THSD4: variants seen among roughly 807,000 people sequenced by gnomAD.
THSD4 encodes thrombospondin type-1 domain-containing protein 4.
THSD4 carries 69 observed loss-of-function variants against 119.0 expected under a neutral mutation model. The ratio of observed to expected loss-of-function variants is 0.58; its 90% CI spans 0.48 to 0.71. The LOEUF (loss-of-function observed/expected upper bound fraction) is 0.71, where lower values mean the gene tolerates loss of function less well. Among genes scored for constraint, THSD4 ranks in the 30% least tolerant of loss-of-function variants. The pLI, the probability that THSD4 is intolerant of heterozygous loss-of-function variation, is 0.00. For synonymous variants in THSD4, 524 were observed against 540.4 expected (o/e 0.97, Z 0.42); for missense variants, 1,393 against 1,391.1 (o/e 1.00, Z -0.02).
In THSD4 at chr15:71,180,469, T is replaced by C. The variant is rs115878796; in HGVS notation, c.99+25537T>C. 4.6e-3 allele frequency among the ~76,000 whole-genome samples: 698 copies of C among 152,318 alleles called. 6 individuals carry two copies. The highest frequency in any genetic ancestry group is 0.016 in the African/African-American group (673 of 41,572). Reference sequence around the variant, plus strand: ...AACGGCTACAAAAACTTTTGGGTGATGGATATGTGCATTATCTGATTGTGG... The same window carrying C: ...AACGGCTACAAAAACTTTTGGGTGACGGATATGTGCATTATCTGATTGTGG... On this transcript the variant is annotated intron_variant, in intron 3 of 17. Transcript: ENST00000261862.
At chr15:71,687,637 C>G (rs1054299091) in intron 8 of THSD4, among the ~76,000 whole-genome samples, 12 of 151,940 alleles carry the variant, frequency 7.9e-5, no homozygotes, top group African/African-American at 2.9e-4. Context: ...CACCTGTAAT[C>G]CCAGTTACTC....
chr15:71,300,586 G>A (rs540721773), intron 6 of THSD4, among the ~76,000 whole-genome samples: 3 of 152,168 alleles, frequency 2.0e-5, no homozygotes, highest in Non-Finnish European at 2.9e-5. Context: ...TTCTAGGCAG[G>A]GTTCAGCTTT....
Position 71,669,499 on chromosome 15 carries a change from C to CT in THSD4, c.1357+8774dup, listed in dbSNP as rs201706989. 1.8e-3 allele frequency among the ~76,000 whole-genome samples: 277 copies of CT among 151,032 alleles called. 3 individuals are homozygous for CT. Among genetic ancestry groups the CT allele is most frequent in the African/African-American group, 5.5e-3 (226 of 41,226 alleles). ...TTACACAGGTATACACAATTCTGTCCTTTTTTTTTGTGGCTGTTGGTTTTC... is the reference window on the plus strand; with the variant it reads ...TTACACAGGTATACACAATTCTGTCCTTTTTTTTTTGTGGCTGTTGGTTTTC... On this transcript the variant is annotated intron_variant, in intron 8 of 17. Transcript: ENST00000261862.
chr15:71,575,027 A>G (rs1402563537), intron 7 of THSD4, among the ~76,000 whole-genome samples: 1 of 152,174 alleles, frequency 6.6e-6, no homozygotes, highest in Non-Finnish European at 1.5e-5. Context: ...AGGAAGTTAT[A>G]GGAAACCGAA....
intron 7 of THSD4, among the ~76,000 whole-genome samples, chr15:71,627,155 A>G (rs929940098): frequency 1.3e-5 from 2 of 152,170 alleles, no homozygotes; most frequent in African/African-American, 2.4e-5. Context: ...GAGCTATCCC[A>G]TTGCTGGGCA....
intron 5 of THSD4, among the ~76,000 whole-genome samples, chr15:71,255,563 T>C (rs771663311): frequency 5.3e-5 from 8 of 152,172 alleles, no homozygotes; most frequent in Non-Finnish European, 8.8e-5. Context: ...AGTTTGCATT[T>C]CCAGAAAGAT....
At chr15:71,473,389 C>T (rs2047611419) in intron 7 of THSD4, among the ~76,000 whole-genome samples, 2 of 152,094 alleles carry the variant, frequency 1.3e-5, no homozygotes, top group South Asian at 4.2e-4. Flanking sequence ...GTTTTTAGGT[C>T]ATTCAATATT....
At chr15:71,150,347 G>A (rs1175723451) in intron 2 of THSD4, among the ~76,000 whole-genome samples, 2 of 152,228 alleles carry the variant, frequency 1.3e-5, no homozygotes, top group Non-Finnish European at 2.9e-5. Context: ...CTAAGTATGC[G>A]CAAGCAGGGT....
At chr15:71,645,050 C>A (rs572518878) in intron 7 of THSD4, among the ~76,000 whole-genome samples, 1 of 152,114 alleles carries the variant, frequency 6.6e-6, no homozygotes, top group South Asian at 2.1e-4. Flanking sequence ...AAACACAAGT[C>A]GAACAGTGAT....
chr15:71,636,284 A>G (rs1328192285), intron 7 of THSD4, among the ~76,000 whole-genome samples: 1 of 152,094 alleles, frequency 6.6e-6, no homozygotes, highest in Non-Finnish European at 1.5e-5. Flanking sequence ...TTAGCTGGGC[A>G]TGGTGGCAGG....
intron 2 of THSD4, among the ~76,000 whole-genome samples, chr15:71,144,749 A>G (rs1156309289): frequency 1.3e-5 from 2 of 152,170 alleles, no homozygotes; most frequent in Non-Finnish European, 2.9e-5. Flanking sequence ...GTGTAGTAAT[A>G]AAAAGAATCA....
intron 7 of THSD4, among the ~76,000 whole-genome samples, chr15:71,445,539 A>C (rs182302459): frequency 2.6e-5 from 4 of 152,308 alleles, no homozygotes; most frequent in Admixed American, 2.6e-4. Context: ...ATATCCCCTC[A>C]TCTCACAACC....
At position 71,411,725 on chromosome 15, in the gene THSD4, A is replaced by G. The variant is rs2046689661; in HGVS notation, c.1054A>G (p.Met352Val). 3.1e-6 allele frequency: 5 copies of G among 1,614,090 alleles called. No individual in the cohort carries two copies. The highest frequency in any genetic ancestry group is 2.7e-5 in the African/African-American group (2 of 75,026). Residue 352 changes from methionine (M) to valine (V), a missense_variant, in exon 7 of 18, where the codon ATG becomes GTG. Transcript: ENST00000261862. ...CAAATGTGAGTTGAACTGCCAGGCA[A>G]TGGGCTACCGCTTCTATGTACGGCA... Reference protein sequence around the residue: ...NRKCELNCQAMGYRFYVRQAE... With the variant: ...NRKCELNCQAVGYRFYVRQAE...
intron 6 of THSD4, among the ~76,000 whole-genome samples, chr15:71,355,088 G>A (rs906250346): frequency 6.6e-6 from 1 of 152,194 alleles, no homozygotes; most frequent in African/African-American, 2.4e-5. Context: ...AATGCTGACC[G>A]TGAGTCAAGC....
At chr15:71,694,888 C>T (rs2052130653) in intron 8 of THSD4, among the ~76,000 whole-genome samples, 1 of 152,070 alleles carries the variant, frequency 6.6e-6, no homozygotes, top group Admixed American at 6.6e-5. Flanking sequence ...TCGTGTGCAC[C>T]TGGCCACCAG....
At chr15:71,577,845 C>T (rs28639526) in intron 7 of THSD4, among the ~76,000 whole-genome samples, 3 of 151,564 alleles carry the variant, frequency 2.0e-5, no homozygotes, top group African/African-American at 2.4e-5. Flanking sequence ...CTCAGCCTCC[C>T]GAGTAGCTGG....
At chr15:71,591,186 A>G (rs1046953596) in intron 7 of THSD4, among the ~76,000 whole-genome samples, 3 of 152,124 alleles carry the variant, frequency 2.0e-5, no homozygotes, top group African/African-American at 7.2e-5. Flanking sequence ...TAGGCAAGGC[A>G]ATTGTTTATT....
intron 6 of THSD4, among the ~76,000 whole-genome samples, chr15:71,340,609 T>G (rs570882362): frequency 7.1e-4 from 108 of 151,054 alleles, no homozygotes; most frequent in Middle Eastern, 3.4e-3. Context: ...GAGACTTTTT[T>G]TTTTTTTTTT....
chr15:71,765,048 A>G lies in THSD4; in HGVS notation c.2618A>G (p.Gln873Arg), dbSNP rs1001500386. ...TCCATCGAGTGTGGGAGCGGGACGC[A>G]ACAGAGGGAGGTGATTTGTGTTAGA... ...QCSIECGSGT[Q>R]QREVICVRKN... Residue 873 changes from glutamine (Q) to arginine (R), a missense_variant, in exon 16 of 18, where the codon CAA becomes CGA. Transcript: ENST00000261862. 2 of 1,614,180 alleles carry G rather than the reference A, an allele frequency of 1.2e-6. No individual in the cohort carries two copies. The highest frequency in any genetic ancestry group is 1.7e-6 in the Non-Finnish European group (2 of 1,180,020).
Sources: gnomAD v4.1 joint callset for allele counts (sites outside exome capture counted in the v4.1 genomes callset) on GRCh38, gnomAD v4.1.1 for gene constraint, MANE v1.5 for transcripts, NCBI Gene and HGNC (gene_info 2026-07-23, HGNC 2026-07-21) for gene names.